Variants in TENM2 observed in about 807,000 individuals in gnomAD.
TENM2 encodes teneurin-2.
In TENM2, 52 loss-of-function variants were observed where a neutral mutation model predicts 245.2. The observed-to-expected ratio is 0.21, with a 90% CI of 0.17 to 0.27. TENM2 has a LOEUF of 0.27. Ranked by LOEUF, TENM2 falls within the 10% of genes least tolerant of loss-of-function variation. TENM2 has a pLI of 1.00. For synonymous variants in TENM2, 1,363 were observed against 1,438.9 expected (o/e 0.95, Z 1.19); for missense variants, 3,046 against 3,666.8 (o/e 0.83, Z 4.37).
rs112606487 is a variant in TENM2, at chr5:167,816,503, TA to T, written c.503-59480del. Among the ~76,000 whole-genome samples the T allele has an allele frequency of 6.9e-3, 1,055 of 152,316 alleles. 12 individuals carry two copies. Among genetic ancestry groups the T allele is most frequent in the African/African-American group, 0.024 (1,008 of 41,580 alleles). On this transcript the variant is annotated intron_variant, in intron 2 of 28. Coordinates refer to ENST00000518659, the Ensembl canonical transcript of TENM2. ...TAAGCCACCAATTTAAAGATAGCCT[TA>T]AACAACTGTTCTGCCCCTGTGGAAA...
At chr5:167,724,791 C>T (rs180802281) in intron 2 of TENM2, among the ~76,000 whole-genome samples, 127 of 152,220 alleles carry the variant, frequency 8.3e-4, no homozygotes, top group Non-Finnish European at 1.6e-3. Context: ...GACCCTGAGA[C>T]GGACAGTAGC....
intron 3 of TENM2, among the ~76,000 whole-genome samples, chr5:167,929,060 A>AGAAAGAAG: frequency 4.6e-4 from 1 of 2,154 alleles, no homozygotes. Flanking sequence ...AAAGAAAGAG[A>AGAAAGAAG]GAAAGAAAGA....
intron 2 of TENM2, among the ~76,000 whole-genome samples, chr5:167,415,146 G>T (rs1763099525): frequency 6.6e-6 from 1 of 152,000 alleles, no homozygotes. Context: ...TGCAAAGTTG[G>T]CTGACAGGTC....
At chr5:166,993,844 A>G in the TENM2 span, among the ~76,000 whole-genome samples, 1 of 152,310 alleles carries the variant, frequency 6.6e-6, no homozygotes, top group South Asian at 2.1e-4. Context: ...ATTATCTAAT[A>G]ATCCGGCTCA....
intron 1 of TENM2, among the ~76,000 whole-genome samples, chr5:167,330,948 G>A (rs1283765766): frequency 2.6e-5 from 4 of 152,004 alleles, no homozygotes; most frequent in African/African-American, 9.7e-5. Flanking sequence ...CTATTGAAAA[G>A]CATTATGGGC....
chr5:168,103,553 G>A (rs1380989350), intron 9 of TENM2, among the ~76,000 whole-genome samples: 1 of 151,972 alleles, frequency 6.6e-6, no homozygotes, highest in Non-Finnish European at 1.5e-5. Context: ...TTTGTGGAGT[G>A]TCTCTCGGTA....
chr5:167,507,801 A>G (rs1012776880), intron 2 of TENM2, among the ~76,000 whole-genome samples: 2 of 152,210 alleles, frequency 1.3e-5, no homozygotes, highest in African/African-American at 2.4e-5. Flanking sequence ...TTACCATGGA[A>G]TGTGAATTTC....
intron 2 of TENM2, among the ~76,000 whole-genome samples, chr5:167,629,105 AG>A (rs1349292501): frequency 6.6e-6 from 1 of 152,210 alleles, no homozygotes; most frequent in African/African-American, 2.4e-5. Context: ...ACATTAGAAA[AG>A]TTGGGCTTAG....
chr5:167,144,376 G>T, the TENM2 span, among the ~76,000 whole-genome samples: 1 of 152,160 alleles, frequency 6.6e-6, no homozygotes, highest in Non-Finnish European at 1.5e-5. Context: ...CTAATTAAGC[G>T]GGCAGTTGTC....
intron 7 of TENM2, among the ~76,000 whole-genome samples, chr5:168,089,911 A>G (rs1424882823): frequency 2.0e-5 from 3 of 152,106 alleles, no homozygotes; most frequent in Non-Finnish European, 4.4e-5. Context: ...AGATACTCTT[A>G]TTTTCAGTTT....
At chr5:167,218,237 A>G in the TENM2 span, among the ~76,000 whole-genome samples, 13 of 152,168 alleles carry the variant, frequency 8.5e-5, no homozygotes, top group African/African-American at 2.4e-4. Flanking sequence ...GCTGAAGATA[A>G]TAATGTAATG....
At chr5:167,403,279 A>G (rs995275557) in intron 2 of TENM2, among the ~76,000 whole-genome samples, 2 of 151,382 alleles carry the variant, frequency 1.3e-5, no homozygotes, top group Admixed American at 6.6e-5. Flanking sequence ...TGGGATGCCA[A>G]ACCAAGCTGA....
At chr5:168,201,028 T>A (rs1761891612) in intron 17 of TENM2, among the ~76,000 whole-genome samples, 1 of 152,088 alleles carries the variant, frequency 6.6e-6, no homozygotes, top group Non-Finnish European at 1.5e-5. Flanking sequence ...GTGTTAAATC[T>A]TTTGTTGGGT....
chr5:167,945,777 T>C (rs777550958), intron 3 of TENM2, among the ~76,000 whole-genome samples: 68 of 152,224 alleles, frequency 4.5e-4, no homozygotes, highest in Non-Finnish European at 7.8e-4. Flanking sequence ...CAGCCCTTTC[T>C]TTCTCTGCCC....
At chr5:168,164,547 T>G (rs1218635968) in intron 13 of TENM2, among the ~76,000 whole-genome samples, 1 of 152,122 alleles carries the variant, frequency 6.6e-6, no homozygotes, top group Non-Finnish European at 1.5e-5. Context: ...GCCTAAAACA[T>G]TTACTCTCCG....
At chr5:167,194,281 CT>C in the TENM2 span, among the ~76,000 whole-genome samples, 5 of 152,010 alleles carry the variant, frequency 3.3e-5, no homozygotes, top group Non-Finnish European at 7.4e-5. Flanking sequence ...CTTCACAACC[CT>C]TCAACTAATC....
chr5:167,322,692 A>G (rs866778393), intron 1 of TENM2, among the ~76,000 whole-genome samples: 20 of 152,326 alleles, frequency 1.3e-4, no homozygotes, highest in Non-Finnish European at 2.1e-4. Context: ...AGATTAAATG[A>G]TTAAAGCTGG....
chr5:167,785,606 T>A (rs1409614999), intron 2 of TENM2, among the ~76,000 whole-genome samples: 1 of 152,188 alleles, frequency 6.6e-6, no homozygotes, highest in African/African-American at 2.4e-5. Flanking sequence ...ATCCCCAGGA[T>A]AGGAACTTCA....
chr5:167,794,030 TAGAC>T (rs1327012718), intron 2 of TENM2, among the ~76,000 whole-genome samples: 2 of 151,698 alleles, frequency 1.3e-5, no homozygotes, highest in African/African-American at 4.8e-5. Flanking sequence ...AGAAAAATGA[TAGAC>T]AGTGAGGAAT....
Sources: gnomAD v4.1 joint callset for allele counts (sites outside exome capture counted in the v4.1 genomes callset) on GRCh38, gnomAD v4.1.1 for gene constraint, MANE v1.5 for transcripts, NCBI Gene and HGNC (gene_info 2026-07-23, HGNC 2026-07-21) for gene names.